The following SPMIP3 variants were observed in gnomAD, a reference collection of about 807,000 sequenced individuals.
SPMIP3 encodes the protein sperm microtubule inner protein 3.
At chr1:244,386,320 C>G in the SPMIP3 span, among the ~76,000 whole-genome samples, 2 of 152,206 alleles carry the variant, frequency 1.3e-5, no homozygotes, top group African/African-American at 4.8e-5. Context: ...CCAACAATGA[C>G]TTTCAAAGGA....
chr1:244,382,608 T>TG, the SPMIP3 span, among the ~76,000 whole-genome samples: 4 of 147,572 alleles, frequency 2.7e-5, no homozygotes, highest in Non-Finnish European at 6.0e-5. Context: ...CTGTTTTTTT[T>TG]TTTTTTTTTT....
At chr1:244,372,689 C>T in the SPMIP3 span, among the ~76,000 whole-genome samples, 23 of 152,130 alleles carry the variant, frequency 1.5e-4, no homozygotes, top group East Asian at 5.8e-4. Context: ...GCGATCCGCC[C>T]GCCTTGGCCT....
At chr1:244,372,062 C>A in the SPMIP3 span, among the ~76,000 whole-genome samples, 1 of 152,156 alleles carries the variant, frequency 6.6e-6, no homozygotes, top group Admixed American at 6.6e-5. Context: ...GACAGTCAGG[C>A]CCACTCTAGC....
At chr1:244,379,967 A>C in the SPMIP3 span, among the ~76,000 whole-genome samples, 1 of 146,592 alleles carries the variant, frequency 6.8e-6, no homozygotes, top group African/African-American at 2.6e-5. Context: ...AAACTGTCAA[A>C]AAAAAAAAAA....
chr1:244,380,240 C>A, the SPMIP3 span, among the ~76,000 whole-genome samples: 1 of 151,260 alleles, frequency 6.6e-6, no homozygotes, highest in Admixed American at 6.6e-5. Flanking sequence ...CTGCCTCAGC[C>A]TCCCAAGTAA....
the SPMIP3 span, among the ~76,000 whole-genome samples, chr1:244,364,135 C>T: frequency 6.6e-6 from 1 of 151,376 alleles, no homozygotes; most frequent in Non-Finnish European, 1.5e-5. Flanking sequence ...GACGGAGTCT[C>T]ACTCTATGGC....
chr1:244,364,190 C>T, the SPMIP3 span, among the ~76,000 whole-genome samples: 10 of 152,172 alleles, frequency 6.6e-5, no homozygotes, highest in East Asian at 3.9e-4. Context: ...CTGCAAGCTC[C>T]GCCTCCCGGG....
At chr1:244,377,261 A>G in the SPMIP3 span, among the ~76,000 whole-genome samples, 2 of 152,056 alleles carry the variant, frequency 1.3e-5, no homozygotes, top group Admixed American at 6.5e-5. Context: ...AGCTGGGACT[A>G]CAGGCACCCG....
At chr1:244,372,667 A>G in the SPMIP3 span, among the ~76,000 whole-genome samples, 2,859 of 151,438 alleles carry the variant, frequency 0.019, 90 homozygotes, top group African/African-American at 0.065. Flanking sequence ...ATGGTCTCGA[A>G]CTCCTGACCT....
the SPMIP3 span, among the ~76,000 whole-genome samples, chr1:244,371,327 AGCC>A: frequency 2.0e-5 from 3 of 152,214 alleles, no homozygotes; most frequent in Non-Finnish European, 4.4e-5. Flanking sequence ...TGGCCTCCAC[AGCC>A]AAGTCTGAAG....
At chr1:244,389,128 T>C in the SPMIP3 span, 1 of 1,259,608 alleles carries the variant, frequency 7.9e-7, no homozygotes, top group South Asian at 1.2e-5. Context: ...TAGACTAAGT[T>C]AATGGCAGCA....
At chr1:244,389,145 C>T in the SPMIP3 span, 4 of 1,083,294 alleles carry the variant, frequency 3.7e-6, no homozygotes, top group South Asian at 2.7e-5. Flanking sequence ...AGCAGAACTA[C>T]TTTCAGTTTC....
chr1:244,380,985 C>T, the SPMIP3 span, among the ~76,000 whole-genome samples: 11 of 150,886 alleles, frequency 7.3e-5, no homozygotes, highest in East Asian at 5.9e-4. Context: ...CTGATCACGG[C>T]GGGAGCTGAG....
At chr1:244,375,813 C>T in the SPMIP3 span, among the ~76,000 whole-genome samples, 2 of 151,996 alleles carry the variant, frequency 1.3e-5, no homozygotes, top group East Asian at 1.9e-4. Context: ...TACAGGCACA[C>T]GTTACCATAC....
At chr1:244,355,445 T>C in the SPMIP3 span, among the ~76,000 whole-genome samples, 1 of 152,152 alleles carries the variant, frequency 6.6e-6, no homozygotes, top group African/African-American at 2.4e-5. Context: ...TGGAGTGTAG[T>C]GGTGTGATCT....
chr1:244,372,240 G>C, the SPMIP3 span, among the ~76,000 whole-genome samples: 1 of 152,144 alleles, frequency 6.6e-6, no homozygotes, highest in Non-Finnish European at 1.5e-5. Flanking sequence ...ATTTCAGCAT[G>C]TGAAGAGCTT....
the SPMIP3 span, chr1:244,388,929 CTTAAT>C: frequency 6.3e-7 from 1 of 1,580,526 alleles, no homozygotes; most frequent in South Asian, 1.1e-5. Flanking sequence ...TAAATAAATC[CTTAAT>C]TTGTTTTAAA....
the SPMIP3 span, among the ~76,000 whole-genome samples, chr1:244,360,656 G>C: frequency 6.6e-6 from 1 of 152,038 alleles, no homozygotes. Context: ...GGCTGAGGCG[G>C]GAGGATCACC....
chr1:244,375,521 T>C, the SPMIP3 span: 1 of 1,448,486 alleles, frequency 6.9e-7, no homozygotes, highest in Non-Finnish European at 9.7e-7. Context: ...GCTACAATGA[T>C]AAAAAGGGGT....
Sources: allele counts gnomAD v4.1 joint callset (sites outside exome capture counted in the v4.1 genomes callset), GRCh38; gene constraint gnomAD v4.1.1; transcripts MANE v1.5; gene names NCBI Gene and HGNC (gene_info 2026-07-23, HGNC 2026-07-21).